ERC2: variants seen among roughly 807,000 people sequenced by gnomAD.
ERC2 encodes ERC protein 2.
A neutral mutation model predicts 114.8 loss-of-function variants in ERC2; 42 were observed. The ratio of observed to expected loss-of-function variants is 0.37; its 90% CI spans 0.29 to 0.47. ERC2 has a LOEUF of 0.47. ERC2 is among the 20% of genes least tolerant of loss of function. The pLI is 0.99. For missense variants in ERC2, 939 were observed against 1,150.7 expected, an observed-to-expected ratio of 0.82 and a Z score of 2.66; for synonymous variants, 454 against 425.5, an observed-to-expected ratio of 1.07 and a Z score of -0.82.
At chr3:55,584,010 C>G (rs923291335) in intron 17 of ERC2, among the ~76,000 whole-genome samples, 1 of 152,150 alleles carries the variant, frequency 6.6e-6, no homozygotes, top group African/African-American at 2.4e-5. Context: ...AGTTTTCTTA[C>G]ACATAAAACG....
intron 3 of ERC2, among the ~76,000 whole-genome samples, chr3:56,201,965 G>A (rs890833708): frequency 6.6e-6 from 1 of 152,176 alleles, no homozygotes; most frequent in Non-Finnish European, 1.5e-5. Flanking sequence ...AGCAAATGCT[G>A]CCATTAACTC....
At chr3:56,170,461 G>A (rs1276841736) in intron 4 of ERC2, among the ~76,000 whole-genome samples, 1 of 152,140 alleles carries the variant, frequency 6.6e-6, no homozygotes, top group Admixed American at 6.5e-5. Flanking sequence ...AATGTCTTTT[G>A]CGAGTTTATG....
At chr3:55,826,504 A>G (rs185853601) in intron 14 of ERC2, among the ~76,000 whole-genome samples, 4 of 152,320 alleles carry the variant, frequency 2.6e-5, no homozygotes, top group East Asian at 3.9e-4. Context: ...CAGCGTATAT[A>G]TTATAGGTTG....
intron 14 of ERC2, among the ~76,000 whole-genome samples, chr3:55,738,853 C>T (rs1445770055): frequency 6.6e-6 from 1 of 152,086 alleles, no homozygotes; most frequent in African/African-American, 2.4e-5. Flanking sequence ...TGGTGGTTTG[C>T]TGCACCCATT....
At chr3:56,159,306 A>G (rs1355257595) in intron 4 of ERC2, among the ~76,000 whole-genome samples, 3 of 152,138 alleles carry the variant, frequency 2.0e-5, no homozygotes, top group Non-Finnish European at 4.4e-5. Context: ...GAAATGTGAG[A>G]ATGGAATAAT....
intron 13 of ERC2, among the ~76,000 whole-genome samples, chr3:55,896,390 C>T (rs2149335411): frequency 6.6e-6 from 1 of 152,290 alleles, no homozygotes; most frequent in Admixed American, 6.5e-5. Context: ...CTGGAAGATG[C>T]CCTGTGGTCC....
intron 3 of ERC2, among the ~76,000 whole-genome samples, chr3:56,263,255 C>T (rs2053063198): frequency 6.6e-6 from 1 of 151,470 alleles, no homozygotes; most frequent in South Asian, 2.1e-4. Context: ...CCAGCCATCA[C>T]TTCCCCCATG....
At chr3:56,139,807 C>A in intron 5 of ERC2, 131 bp from the exon 6 acceptor site, 1 of 1,022,164 alleles carries the variant, frequency 9.8e-7, no homozygotes. Flanking sequence ...CACGAATTTG[C>A]TTAAAAAAGA....
chr3:55,904,613 T>C (rs1353578876), intron 13 of ERC2, among the ~76,000 whole-genome samples: 1 of 152,146 alleles, frequency 6.6e-6, no homozygotes, highest in African/African-American at 2.4e-5. Context: ...AAGCAGGAAT[T>C]CCTAATGCTG....
intron 12 of ERC2, among the ~76,000 whole-genome samples, chr3:55,975,369 G>A (rs2069501351): frequency 6.6e-6 from 1 of 151,966 alleles, no homozygotes; most frequent in African/African-American, 2.4e-5. Context: ...AATTTCCATA[G>A]TTTCTTCCAC....
In ERC2 at chr3:55,718,268, C is replaced by G. The variant is rs2064241903; in HGVS notation, c.2712+16503G>C. Among the ~76,000 whole-genome samples the G allele has an allele frequency of 5.3e-5, 8 of 152,204 alleles. No individual in the cohort carries two copies. The South Asian group carries it at 1.5e-3, about 28-fold the overall frequency. On this transcript the variant is annotated intron_variant, in intron 15 of 17. Transcript: ENST00000288221. ...TGAGATAATTTTGCAGCTATAATAT[C>G]AAGAAATTCAATAATCCCAAAGCCC...
intron 14 of ERC2, among the ~76,000 whole-genome samples, chr3:55,752,715 T>G (rs752428459): frequency 7.9e-5 from 12 of 152,340 alleles, no homozygotes; most frequent in Non-Finnish European, 1.2e-4. Context: ...AGGAGTGAAT[T>G]AACTTACTCA....
At chr3:56,063,278 A>G (rs184671644) in intron 7 of ERC2, among the ~76,000 whole-genome samples, 1 of 152,230 alleles carries the variant, frequency 6.6e-6, no homozygotes, top group East Asian at 1.9e-4. Flanking sequence ...GCCCCGTGTC[A>G]TGATTGTGAA....
intron 2 of ERC2, among the ~76,000 whole-genome samples, chr3:56,429,868 G>T (rs2061719297): frequency 1.3e-5 from 2 of 152,182 alleles, no homozygotes; most frequent in Admixed American, 1.3e-4. Context: ...CACAGAGAGG[G>T]AGTTCAGCAT....
intron 15 of ERC2, among the ~76,000 whole-genome samples, chr3:55,711,057 C>T (rs533688004): frequency 1.3e-5 from 2 of 152,292 alleles, no homozygotes; most frequent in South Asian, 4.1e-4. Flanking sequence ...ACAGGCCCGA[C>T]TCATGTCATT....
At chr3:55,958,857 C>G (rs1559934418) in intron 12 of ERC2, among the ~76,000 whole-genome samples, 1 of 152,190 alleles carries the variant, frequency 6.6e-6, no homozygotes, top group African/African-American at 2.4e-5. Context: ...GGCTTCCCGG[C>G]CCCTGAGAGC....
chr3:55,804,665 T>A (rs907791376), intron 14 of ERC2, among the ~76,000 whole-genome samples: 2 of 152,270 alleles, frequency 1.3e-5, no homozygotes, highest in Middle Eastern at 3.4e-3. Flanking sequence ...AAAGCCAGTG[T>A]GCTAAGCCTG....
intron 2 of ERC2, among the ~76,000 whole-genome samples, chr3:56,428,339 G>C (rs2061653215): frequency 6.6e-6 from 1 of 151,962 alleles, no homozygotes; most frequent in South Asian, 2.1e-4. Context: ...TGGCCAACAT[G>C]GTGAAATCAC....
chr3:55,563,312 A>T (rs1575593753), intron 17 of ERC2, among the ~76,000 whole-genome samples: 1 of 149,646 alleles, frequency 6.7e-6, no homozygotes, highest in African/African-American at 2.5e-5. Context: ...GTGAGTATGC[A>T]TCCTGAGTGT....
Sources: allele counts gnomAD v4.1 joint callset (sites outside exome capture counted in the v4.1 genomes callset), GRCh38; gene constraint gnomAD v4.1.1; transcripts MANE v1.5; gene names NCBI Gene and HGNC (gene_info 2026-07-23, HGNC 2026-07-21).